Variants in TSPAN18 observed in about 807,000 individuals in gnomAD.
TSPAN18 encodes tetraspanin-18.
In TSPAN18, 14 loss-of-function variants were observed where a neutral mutation model predicts 27.3. The ratio of observed to expected loss-of-function variants is 0.51; its 90% CI spans 0.34 to 0.80. The LOEUF (loss-of-function observed/expected upper bound fraction) is 0.80, where lower values mean the gene tolerates loss of function less well. Ranked by LOEUF, TSPAN18 falls within the 30% of genes least tolerant of loss-of-function variation. TSPAN18 has a pLI of 0.01. For missense variants in TSPAN18, 268 were observed against 323.9 expected (o/e 0.83, Z 1.32); for synonymous variants, 143 against 136.5 (o/e 1.05, Z -0.33).
intron 2 of TSPAN18, among the ~76,000 whole-genome samples, chr11:44,852,190 T>C (rs1275472381): frequency 1.3e-5 from 2 of 152,348 alleles, no homozygotes; most frequent in East Asian, 3.9e-4. Context: ...TCCCAGGGTT[T>C]ATTCTTCTTG....
chr11:44,855,798 C>T (rs1389685469), intron 2 of TSPAN18, among the ~76,000 whole-genome samples: 2 of 151,348 alleles, frequency 1.3e-5, no homozygotes, highest in Non-Finnish European at 2.9e-5. Context: ...ACCCCACCCC[C>T]CACCATGCCC....
chr11:44,870,346 G>A (rs1858159871), intron 3 of TSPAN18, among the ~76,000 whole-genome samples: 1 of 152,148 alleles, frequency 6.6e-6, no homozygotes, highest in Admixed American at 6.5e-5. Context: ...CATACATCAT[G>A]TGTGGAGGTG....
At chr11:44,862,419 T>C (rs1289752161) in intron 3 of TSPAN18, among the ~76,000 whole-genome samples, 1 of 152,230 alleles carries the variant, frequency 6.6e-6, no homozygotes, top group Non-Finnish European at 1.5e-5. Flanking sequence ...TCTCTCGCTC[T>C]GTGTCTCGCC....
chr11:44,845,869 C>T (rs989406040), intron 2 of TSPAN18, among the ~76,000 whole-genome samples: 10 of 152,204 alleles, frequency 6.6e-5, no homozygotes, highest in African/African-American at 1.9e-4. Context: ...GGTGAGCCAT[C>T]GCCAATGCCA....
At chr11:44,732,950 G>A (rs1218683384) in intron 1 of TSPAN18, among the ~76,000 whole-genome samples, 1 of 152,206 alleles carries the variant, frequency 6.6e-6, no homozygotes, top group African/African-American at 2.4e-5. Context: ...AGGCTCCAAA[G>A]ATGATGACTC....
chr11:44,846,535 G>A (rs1452895729), intron 2 of TSPAN18, among the ~76,000 whole-genome samples: 1 of 152,074 alleles, frequency 6.6e-6, no homozygotes, highest in East Asian at 1.9e-4. Context: ...AGTCTAAGGA[G>A]GCCCGAATAT....
At chr11:44,863,983 T>C (rs1857964968) in intron 3 of TSPAN18, among the ~76,000 whole-genome samples, 1 of 152,104 alleles carries the variant, frequency 6.6e-6, no homozygotes, top group Non-Finnish European at 1.5e-5. Flanking sequence ...TGTTGGTCCA[T>C]GTCCCAAAAA....
chr11:44,916,749 C>T (rs1432598426), intron 5 of TSPAN18, among the ~76,000 whole-genome samples: 8 of 152,140 alleles, frequency 5.3e-5, no homozygotes, highest in African/African-American at 1.7e-4. Flanking sequence ...GGCAGGCAGG[C>T]GGTCCTAACG....
At chr11:44,769,969 G>A (rs1485152309) in intron 2 of TSPAN18, among the ~76,000 whole-genome samples, 1 of 152,144 alleles carries the variant, frequency 6.6e-6, no homozygotes, top group African/African-American at 2.4e-5. Context: ...CGTTGATTCT[G>A]CATCTCAATT....
At position 44,931,367 on chromosome 11, in the gene TSPAN18, C is replaced by G; in HGVS notation, c.*2189C>G. The G allele has an allele frequency of 5.6e-6, 1 of 177,914 alleles. No homozygotes were observed. The highest frequency in any genetic ancestry group is 1.2e-5 in the Non-Finnish European group (1 of 83,762). 11.0% of individuals were successfully genotyped at this position (177,914 alleles called of 1,614,324 possible). On this transcript the variant is annotated 3_prime_UTR_variant, in exon 10 of 10. Coordinates refer to ENST00000520358, the MANE Select transcript of TSPAN18 (RefSeq NM_130783.5). The stretch of plus-strand genomic sequence containing the variant: ...AACAAAAAACCCATGCTGGGCAGGA[C>G]TGAGGCAAATTGCACAGCTTTATGG...
At chr11:44,834,197 C>G (rs1177667906) in intron 2 of TSPAN18, among the ~76,000 whole-genome samples, 1 of 151,676 alleles carries the variant, frequency 6.6e-6, no homozygotes, top group Non-Finnish European at 1.5e-5. Flanking sequence ...AGGTGGGGGG[C>G]TTGGGACACA....
intron 1 of TSPAN18, among the ~76,000 whole-genome samples, chr11:44,759,249 G>A (rs960551406): frequency 2.6e-5 from 4 of 152,210 alleles, no homozygotes. Flanking sequence ...GGTCAGCAAA[G>A]GCCAAGACAA....
intron 3 of TSPAN18, among the ~76,000 whole-genome samples, chr11:44,887,882 C>T (rs1370027217): frequency 6.6e-6 from 1 of 152,194 alleles, no homozygotes; most frequent in African/African-American, 2.4e-5. Context: ...ACCCGTGAAG[C>T]CATTAAATAT....
chr11:44,852,401 C>G (rs1054537730), intron 2 of TSPAN18, among the ~76,000 whole-genome samples: 2 of 152,204 alleles, frequency 1.3e-5, no homozygotes, highest in African/African-American at 4.8e-5. Context: ...TTCCCCAAGT[C>G]ACACAGCTGG....
At chr11:44,768,892 A>ATTTTTTTTTTTTTTTTTTTTTTTTTTTT in intron 2 of TSPAN18, among the ~76,000 whole-genome samples, 1 of 101,248 alleles carries the variant, frequency 9.9e-6, no homozygotes, top group Non-Finnish European at 2.0e-5. Flanking sequence ...ATACTATTTG[A>ATTTTTTTTTTTTTTTTTTTTTTTTTTTT]TTTTTTTTTT....
At chr11:44,740,138 C>T (rs185007467) in intron 1 of TSPAN18, among the ~76,000 whole-genome samples, 8 of 152,270 alleles carry the variant, frequency 5.3e-5, no homozygotes, top group Non-Finnish European at 2.9e-5. Flanking sequence ...GATCTCTGCC[C>T]GCCCCTTGCC....
chr11:44,916,620 G>A (rs1000185), intron 5 of TSPAN18, among the ~76,000 whole-genome samples: 6,124 of 152,244 alleles, frequency 0.04, 465 homozygotes, highest in African/African-American at 0.14. Context: ...GGCTGGAAGG[G>A]GTTTGTATGA....
chr11:44,808,363 CCT>C (rs1429837305), intron 2 of TSPAN18, among the ~76,000 whole-genome samples: 1,776 of 152,276 alleles, frequency 0.012, 25 homozygotes, highest in African/African-American at 0.041. Context: ...GATGGACAGA[CCT>C]AGTACAGGAG....
chr11:44,869,546 A>T (rs1431392080), intron 3 of TSPAN18, among the ~76,000 whole-genome samples: 1 of 152,214 alleles, frequency 6.6e-6, no homozygotes, highest in African/African-American at 2.4e-5. Context: ...CCCACGTCCA[A>T]TAGTATCAGC....
Sources: allele counts gnomAD v4.1 joint callset (sites outside exome capture counted in the v4.1 genomes callset), GRCh38; gene constraint gnomAD v4.1.1; transcripts MANE v1.5; gene names NCBI Gene and HGNC (gene_info 2026-07-23, HGNC 2026-07-21).